ABCC8: variants seen among roughly 807,000 people sequenced by gnomAD.
The protein encoded by ABCC8 is ATP binding cassette subfamily C member 8, also known as ATP-binding cassette sub-family C member 8.
Under a neutral mutation model 188.0 loss-of-function variants are expected in ABCC8, and 137 were observed. The ratio of observed to expected loss-of-function variants is 0.73; its 90% CI spans 0.63 to 0.84. The LOEUF (loss-of-function observed/expected upper bound fraction) is 0.84, where lower values mean the gene tolerates loss of function less well. ABCC8 is among the 40% of genes least tolerant of loss of function. ABCC8 has a pLI of 0.00. For missense variants in ABCC8, 1,750 were observed against 2,072.7 expected (o/e 0.84, Z 3.02); for synonymous variants, 797 against 846.5 (o/e 0.94, Z 1.01).
At chr11:17,434,533 C>A (rs1955991890) in intron 10 of ABCC8, among the ~76,000 whole-genome samples, 1 of 152,148 alleles carries the variant, frequency 6.6e-6, no homozygotes, top group Non-Finnish European at 1.5e-5. Flanking sequence ...AACAAACCAT[C>A]CCAAACGAAA....
chr11:17,407,567 C>T (rs1954604176), intron 23 of ABCC8, 114 bp from the exon 24 acceptor site: 8 of 1,543,236 alleles, frequency 5.2e-6, no homozygotes, highest in African/African-American at 4.1e-5. Context: ...CTACTTTGTC[C>T]CTGCCTGAGG....
In ABCC8 at chr11:17,396,929, G is replaced by A. The variant is rs542147268; in HGVS notation, c.4106C>T (p.Ala1369Val). ...PVLKHVNALI[A>V]PGQKIGICGR... ...CCGTGCTCTGACCTTCTGTCCAGGG[G>A]CGATGAGGGCATTGACGTGCTTCAG... The change falls in exon 33 of 39, where the codon GCC (alanine) becomes GTC (valine). Residue 1369 changes from alanine (A) to valine (V), a missense_variant. By Grantham distance (64) the Ala-to-Val change is moderately conservative. Coordinates refer to ENST00000389817, the MANE Select transcript of ABCC8 (RefSeq NM_000352.6). 8.7e-6 allele frequency: 14 copies of A among 1,614,164 alleles called. No individual in the cohort carries two copies. In the East Asian group the frequency reaches 1.1e-4, roughly 13 times the overall value.
intron 10 of ABCC8, among the ~76,000 whole-genome samples, chr11:17,439,435 G>A (rs142450827): frequency 1.2e-3 from 178 of 152,188 alleles, no homozygotes; most frequent in Middle Eastern, 3.4e-3. Context: ...CAAGACTGGC[G>A]CCAGGGGTCA....
At chr11:17,461,532 A>G (rs1318902380) in intron 5 of ABCC8, 51 bp downstream of exon 5, 1 of 1,611,156 alleles carries the variant, frequency 6.2e-7, no homozygotes. Context: ...CCTCTCTGTG[A>G]CCCTAAACCA....
chr11:17,435,515 G>A (rs1194674407), intron 10 of ABCC8, among the ~76,000 whole-genome samples: 1 of 152,164 alleles, frequency 6.6e-6, no homozygotes, highest in African/African-American at 2.4e-5. Flanking sequence ...CACTCTTATG[G>A]TCTACAAGGT....
intron 6 of ABCC8, among the ~76,000 whole-genome samples, chr11:17,458,352 C>T (rs952274961): frequency 6.6e-6 from 1 of 152,198 alleles, no homozygotes; most frequent in Admixed American, 6.5e-5. Context: ...GAGAAAAAAA[C>T]GGCAATGATA....
intron 22 of ABCC8, among the ~76,000 whole-genome samples, chr11:17,409,265 C>A (rs948874083): frequency 2.6e-5 from 4 of 152,060 alleles, no homozygotes; most frequent in Non-Finnish European, 4.4e-5. Context: ...CTCAATAAAA[C>A]TTTTTATCTG....
In ABCC8 at chr11:17,453,299, G is replaced by A; in HGVS notation, c.1012-16C>T. On this transcript the variant is annotated splice_polypyrimidine_tract_variant and intron_variant, in intron 6 of 38. Transcript: ENST00000389817. ...GAAATTGTGTCTGTTGGAAAGAGAA[G>A]TTCAGAGGTGACTGTCATTGCCAGC... 1 of 1,613,888 alleles carries A rather than the reference G, an allele frequency of 6.2e-7. No individual in the cohort carries two copies. The highest frequency in any genetic ancestry group is 8.5e-7 in the Non-Finnish European group (1 of 1,179,904).
chr11:17,431,123 T>C (rs974915041), intron 11 of ABCC8, 164 bp from the exon 12 acceptor site: 2 of 1,182,958 alleles, frequency 1.7e-6, no homozygotes, highest in South Asian at 1.5e-5. Context: ...AGTCATCTCA[T>C]GGAAACGTCC....
At chr11:17,428,732 C>A (rs770857321) in intron 12 of ABCC8, 62 bp from the exon 13 acceptor site, 2 of 1,599,368 alleles carry the variant, frequency 1.3e-6, no homozygotes, top group African/African-American at 1.3e-5. Flanking sequence ...GGGGAGAGGG[C>A]GCAGCCTGAT....
At chr11:17,406,358 G>T in intron 26 of ABCC8, 2 of 535,890 alleles carry the variant, frequency 3.7e-6, no homozygotes, top group Non-Finnish European at 3.3e-6. Flanking sequence ...TCTTTACTTG[G>T]ATGTGCAGAC....
chr11:17,444,632 C>G (rs1044726969), intron 8 of ABCC8, among the ~76,000 whole-genome samples: 1 of 152,224 alleles, frequency 6.6e-6, no homozygotes, highest in African/African-American at 2.4e-5. Context: ...GAATGGCCCT[C>G]ATGCAGAAGA....
At position 17,404,145 on chromosome 11, in the gene ABCC8, G is replaced by A. The variant is rs535410592; in HGVS notation, c.3557+367C>T. On this transcript the variant is annotated intron_variant, in intron 28 of 38. Transcript: ENST00000389817. This position sits in a 1 kb window ranked among gnomAD's most constrained non-coding sequence, Gnocchi z 4.7. ...TATCATAACACTGCTTGAATCAGGT[G>A]CCCGCCGATTTCATGCATCAGCAAT... is the stretch of plus-strand genomic sequence containing the variant. 2.6e-5 allele frequency among the ~76,000 whole-genome samples: 4 copies of A among 152,262 alleles called. No homozygotes were observed. The highest frequency in any genetic ancestry group is 4.2e-4 in the South Asian group (2 of 4,810).
At chr11:17,395,589 C>A (rs1564874203) in intron 35 of ABCC8, 21 bp downstream of exon 35, 1 of 1,546,126 alleles carries the variant, frequency 6.5e-7, no homozygotes, top group South Asian at 1.2e-5. Context: ...CTGGGTGGGC[C>A]TGAGGGGTGG....
chr11:17,450,285 T>C (rs1034695242), intron 7 of ABCC8, among the ~76,000 whole-genome samples: 34 of 137,398 alleles, frequency 2.5e-4, no homozygotes, highest in Admixed American at 2.3e-3. Context: ...TTTCTTTCTT[T>C]CTTTCTTTCT....
intron 19 of ABCC8, 148 bp downstream of exon 19, chr11:17,414,364 A>C: frequency 6.3e-6 from 7 of 1,119,212 alleles, no homozygotes; most frequent in Non-Finnish European, 8.0e-6. Flanking sequence ...CTCCAGGTGC[A>C]CCATATGGAG....
chr11:17,421,671 C>T (rs1194403760), intron 16 of ABCC8, among the ~76,000 whole-genome samples: 1 of 152,116 alleles, frequency 6.6e-6, no homozygotes, highest in Non-Finnish European at 1.5e-5. Flanking sequence ...TAGGTTAATC[C>T]TCACATCAAT....
At chr11:17,447,798 C>T (rs1412474172) in intron 8 of ABCC8, among the ~76,000 whole-genome samples, 2 of 152,126 alleles carry the variant, frequency 1.3e-5, no homozygotes, top group African/African-American at 4.8e-5. Flanking sequence ...CACTTTGTTG[C>T]CTAGGCTAAA....
intron 36 of ABCC8, among the ~76,000 whole-genome samples, chr11:17,394,865 T>C (rs890493653): frequency 6.6e-6 from 1 of 152,050 alleles, no homozygotes; most frequent in Non-Finnish European, 1.5e-5. Context: ...TGCAGGTGGA[T>C]GGGGCAGGGC....
Sources: gnomAD v4.1 joint callset for allele counts (sites outside exome capture counted in the v4.1 genomes callset) on GRCh38, gnomAD v4.1.1 for gene constraint, Gnocchi (gnomAD v3.1) non-coding constraint, MANE v1.5 for transcripts, NCBI Gene and HGNC (gene_info 2026-07-23, HGNC 2026-07-21) for gene names.